BTBD7: variants seen among roughly 807,000 people sequenced by gnomAD.
BTBD7 encodes BTB/POZ domain-containing protein 7.
Under a neutral mutation model 99.9 loss-of-function variants are expected in BTBD7, and 38 were observed. That is an observed-to-expected ratio of 0.38 (90% CI 0.29 to 0.50). The LOEUF (loss-of-function observed/expected upper bound fraction) is 0.50. Ranked by LOEUF, BTBD7 falls within the 20% of genes least tolerant of loss-of-function variation. The probability of loss-of-function intolerance (pLI) is 0.93; values close to 1 mark genes in which losing one functional copy is unlikely to be tolerated. For synonymous variants in BTBD7, 520 were observed against 511.4 expected (o/e 1.02, Z -0.23); for missense variants, 1,170 against 1,394.6 (o/e 0.84, Z 2.57).
At chr14:93,310,905 A>C (rs2053129819) in intron 1 of BTBD7, among the ~76,000 whole-genome samples, 1 of 151,796 alleles carries the variant, frequency 6.6e-6, no homozygotes, top group Admixed American at 6.6e-5. Context: ...CAACTAAAGC[A>C]ATCCATTAAC....
chr14:93,258,127 T>A (rs1428226648), intron 5 of BTBD7, among the ~76,000 whole-genome samples: 1 of 125,424 alleles, frequency 8.0e-6, no homozygotes, highest in Non-Finnish European at 1.6e-5. Context: ...TAACACAGAA[T>A]AAGATCTTAT....
intron 5 of BTBD7, 26 bp downstream of exon 5, chr14:93,261,576 A>G (rs376109454): frequency 9.0e-6 from 14 of 1,550,854 alleles, no homozygotes; most frequent in Admixed American, 1.7e-5. Context: ...CAAGGTAACT[A>G]GTGCAAGCTA....
chr14:93,267,285 G>T (rs1269087525), intron 3 of BTBD7, among the ~76,000 whole-genome samples: 1 of 152,166 alleles, frequency 6.6e-6, no homozygotes, highest in African/African-American at 2.4e-5. Context: ...AAATCAGATT[G>T]GACTTGAAAT....
chr14:93,271,150 C>T (rs1359712233), intron 3 of BTBD7, among the ~76,000 whole-genome samples: 2 of 152,196 alleles, frequency 1.3e-5, no homozygotes, highest in Non-Finnish European at 2.9e-5. Flanking sequence ...TGTTTCTCCT[C>T]TTCATGTTTG....
intron 3 of BTBD7, among the ~76,000 whole-genome samples, chr14:93,283,724 G>A (rs796195906): frequency 6.3e-4 from 96 of 152,150 alleles, no homozygotes; most frequent in Middle Eastern, 3.4e-3. Context: ...GCTGATTTTT[G>A]TATTTTTAGT....
intron 4 of BTBD7, among the ~76,000 whole-genome samples, chr14:93,263,248 T>C (rs1352291498): frequency 2.6e-5 from 4 of 152,244 alleles, no homozygotes; most frequent in Non-Finnish European, 5.9e-5. Flanking sequence ...CCAAATTAAA[T>C]TGACATTTAA....
At chr14:93,297,967 G>T (rs928563967) in intron 1 of BTBD7, among the ~76,000 whole-genome samples, 2 of 152,230 alleles carry the variant, frequency 1.3e-5, no homozygotes, top group African/African-American at 4.8e-5. Flanking sequence ...AAATCATGCT[G>T]AAGTGTTTCT....
intron 3 of BTBD7, among the ~76,000 whole-genome samples, chr14:93,278,940 T>C (rs546848191): frequency 1.9e-4 from 29 of 152,274 alleles, no homozygotes; most frequent in South Asian, 4.1e-4. Context: ...ACACAGTGCC[T>C]GAAAAAGAAC....
At chr14:93,313,425 G>T (rs1446492521) in intron 1 of BTBD7, among the ~76,000 whole-genome samples, 8 of 152,200 alleles carry the variant, frequency 5.3e-5, no homozygotes, top group Admixed American at 3.3e-4. Context: ...AAGCCATGTG[G>T]TTTTTTTCTA....
chr14:93,245,526 G>C (rs1411925887), intron 10 of BTBD7, among the ~76,000 whole-genome samples: 1 of 152,146 alleles, frequency 6.6e-6, no homozygotes, highest in African/African-American at 2.4e-5. Flanking sequence ...CATGAAACTG[G>C]TATATTCCTT....
At chr14:93,318,148 G>A (rs1414026556) in intron 1 of BTBD7, among the ~76,000 whole-genome samples, 1 of 152,112 alleles carries the variant, frequency 6.6e-6, no homozygotes, top group East Asian at 1.9e-4. Flanking sequence ...CAAAATACAG[G>A]CACAAAACGG....
intron 1 of BTBD7, among the ~76,000 whole-genome samples, chr14:93,324,422 A>AAAAAAAAAAT (rs1491546188): frequency 2.0e-5 from 2 of 101,610 alleles, no homozygotes; most frequent in Non-Finnish European, 4.4e-5. Context: ...ACCCTGTCTC[A>AAAAAAAAAAT]AAAAAAAAAA....
rs747361157 is a variant in BTBD7 at position 93,243,095 on chromosome 14, A to T, written c.2584-7T>A. 3 of 1,602,476 alleles carry T rather than the reference A, an allele frequency of 1.9e-6. No individual in the cohort carries two copies. The East Asian group carries it at 6.7e-5, about 36-fold the overall frequency. The stretch of plus-strand genomic sequence containing the variant: ...TCAGCACAGGTTGTGTTCGCTGCAG[A>T]CAGAGACAAAAATGGTGGGAGGGTT... On this transcript the variant is annotated splice_region_variant and splice_polypyrimidine_tract_variant and intron_variant, in intron 10 of 10. Coordinates refer to ENST00000334746, the MANE Select transcript of BTBD7 (RefSeq NM_001002860.4).
At chr14:93,291,193 G>C (rs2052850959) in intron 3 of BTBD7, among the ~76,000 whole-genome samples, 1 of 152,036 alleles carries the variant, frequency 6.6e-6, no homozygotes, top group South Asian at 2.1e-4. Context: ...GGTAGTGAGA[G>C]ACATATGTTG....
chr14:93,325,552 G>A (rs12891379), intron 1 of BTBD7, among the ~76,000 whole-genome samples: 18 of 152,252 alleles, frequency 1.2e-4, no homozygotes, highest in African/African-American at 3.9e-4. Context: ...AGACTAATAA[G>A]GGAGTGGCAA....
chr14:93,247,282 C>T (rs1317132388), intron 9 of BTBD7, among the ~76,000 whole-genome samples: 1 of 152,108 alleles, frequency 6.6e-6, no homozygotes, highest in Non-Finnish European at 1.5e-5. Flanking sequence ...CCTGCCTAGG[C>T]CTCCCAAAGT....
chr14:93,300,297 G>A (rs1156425642), intron 1 of BTBD7, among the ~76,000 whole-genome samples: 6 of 140,614 alleles, frequency 4.3e-5, no homozygotes, highest in Admixed American at 7.7e-5. Context: ...TCGCTCTGTC[G>A]CCCAGCCTGG....
intron 7 of BTBD7, among the ~76,000 whole-genome samples, chr14:93,253,066 T>C (rs1029632636): frequency 2.4e-4 from 36 of 152,208 alleles, no homozygotes; most frequent in African/African-American, 8.4e-4. Flanking sequence ...TTCTTATGGC[T>C]GAACATCTAA....
chr14:93,318,583 T>C (rs772518647), intron 1 of BTBD7, among the ~76,000 whole-genome samples: 3 of 152,246 alleles, frequency 2.0e-5, no homozygotes, highest in Non-Finnish European at 2.9e-5. Context: ...TGTTGAGTCA[T>C]AGGAAATGCT....
Sources: allele counts gnomAD v4.1 joint callset (sites outside exome capture counted in the v4.1 genomes callset), GRCh38; gene constraint gnomAD v4.1.1; transcripts MANE v1.5; gene names NCBI Gene and HGNC (gene_info 2026-07-23, HGNC 2026-07-21).